The following OTOG variants were observed in gnomAD, a reference collection of about 807,000 sequenced individuals.
OTOG encodes the protein otogelin.
In OTOG, 296 loss-of-function variants were observed where a neutral mutation model predicts 313.8. That is an observed-to-expected ratio of 0.94 (90% CI 0.86 to 1.04). The LOEUF (loss-of-function observed/expected upper bound fraction) is 1.04, where lower values mean the gene tolerates loss of function less well. Among genes scored for constraint, OTOG ranks in the 50% least tolerant of loss-of-function variants. The probability of loss-of-function intolerance (pLI) is 0.00; values close to 1 mark genes in which losing one functional copy is unlikely to be tolerated. For missense variants in OTOG, 3,948 were observed against 3,840.1 expected (o/e 1.03, Z -0.74); for synonymous variants, 1,533 against 1,554.9 (o/e 0.99, Z 0.33).
intron 14 of OTOG, 92 bp downstream of exon 14, chr11:17,561,229 G>T (rs79574062): frequency 2.8e-6 from 4 of 1,420,730 alleles, no homozygotes; most frequent in Non-Finnish European, 3.9e-6. Flanking sequence ...CTTGCTGCGG[G>T]TGGGGATGTC....
intron 24 of OTOG, among the ~76,000 whole-genome samples, chr11:17,587,136 A>G (rs1298325248): frequency 6.6e-6 from 1 of 152,228 alleles, no homozygotes; most frequent in Non-Finnish European, 1.5e-5. Flanking sequence ...ATGTCTGTGT[A>G]AATGTGCATT....
chr11:17,591,334 G>T, intron 24 of OTOG, 116 bp from the exon 25 acceptor site: 1 of 1,380,678 alleles, frequency 7.2e-7, no homozygotes, highest in South Asian at 1.5e-5. Context: ...GGTGTTTGTT[G>T]ACCTCTTTGC....
rs557943885 is a variant in OTOG at position 17,563,302 on chromosome 11, C to G, written c.1644+1495C>G. ...CAGGAGCTCACACCCACAGCCAGGG[C>G]AGCTGCCCCACAGTCCTGCCTCCCT... On this transcript the variant is annotated intron_variant, in intron 15 of 55. Coordinates refer to ENST00000399397, the MANE Select transcript of OTOG (RefSeq NM_001292063.2). Among the ~76,000 whole-genome samples, 10 of 152,332 alleles carry G rather than the reference C, an allele frequency of 6.6e-5. No individual in the cohort carries two copies. The East Asian group carries it at 1.9e-3, about 29-fold the overall frequency.
chr11:17,593,831 A>T, intron 27 of OTOG, 75 bp downstream of exon 27: 3 of 1,512,086 alleles, frequency 2.0e-6, no homozygotes, highest in Non-Finnish European at 2.7e-6. Context: ...GGTGAGCTGT[A>T]CCCTCCCTGA....
At chr11:17,565,187 T>A (rs1198292728) in intron 15 of OTOG, among the ~76,000 whole-genome samples, 2 of 152,230 alleles carry the variant, frequency 1.3e-5, no homozygotes, top group Non-Finnish European at 2.9e-5. Flanking sequence ...TCATGTCTCC[T>A]TAGGCCCTTC....
intron 39 of OTOG, among the ~76,000 whole-genome samples, chr11:17,624,224 T>C (rs1007988059): frequency 6.6e-6 from 1 of 152,240 alleles, no homozygotes; most frequent in African/African-American, 2.4e-5. Flanking sequence ...ATGAAATCTT[T>C]GCCGTTTCTG....
chr11:17,638,736 C>A, intron 48 of OTOG, 187 bp downstream of exon 48: 2 of 1,545,802 alleles, frequency 1.3e-6, no homozygotes, highest in Non-Finnish European at 1.7e-6. Flanking sequence ...TTCCTACAGC[C>A]TTTTCTCTCT....
At chr11:17,566,894 T>G (rs1852303577) in intron 15 of OTOG, among the ~76,000 whole-genome samples, 1 of 152,220 alleles carries the variant, frequency 6.6e-6, no homozygotes, top group African/African-American at 2.4e-5. Context: ...TCATCTACAT[T>G]TCATCCTGGG....
chr11:17,631,356 T>TTCTCTCTC lies in OTOG; in HGVS notation c.6713-330_6713-323dup, dbSNP rs143019994. On this transcript the variant is annotated intron_variant, in intron 40 of 55. Transcript: ENST00000399397. The stretch of plus-strand genomic sequence containing the variant: ...AGATTTGCCCCATTTGCTTCTCTCC[T>TTCTCTCTC]TCTCTCTCTCTCTCTCTCTCTCTGT... 6.4e-3 allele frequency among the ~76,000 whole-genome samples: 913 copies of TTCTCTCTC among 141,726 alleles called. 13 individuals are homozygous for TTCTCTCTC. Among genetic ancestry groups the TTCTCTCTC allele is most frequent in the African/African-American group, 0.023 (833 of 36,336 alleles). 93.0% of individuals were successfully genotyped at this position (141,726 alleles called of 152,430 possible). A position where few individuals can be genotyped will look rare whatever the true frequency, so the allele number is the denominator to read the frequency against.
chr11:17,626,238 C>T (rs532040100), intron 39 of OTOG, among the ~76,000 whole-genome samples: 2 of 152,286 alleles, frequency 1.3e-5, no homozygotes, highest in East Asian at 1.9e-4. Flanking sequence ...TGCAGTGGCA[C>T]GATCTTGGCT....
chr11:17,561,139 T>C lies in OTOG; in HGVS notation c.1498+2T>C. 1.3e-6 allele frequency: 2 copies of C among 1,550,552 alleles called. No individual in the cohort carries two copies. The highest frequency in any genetic ancestry group is 1.7e-6 in the Non-Finnish European group (2 of 1,146,952). On this transcript the variant is annotated splice_donor_variant, in intron 14 of 55. Transcript: ENST00000399397. LOFTEE classifies it high-confidence loss of function. ...AGTGCAGCACAGCTGTCTGCCCAGG[T>C]ATGTCTGCCCCCCACCTTGCACTAG...
chr11:17,558,779 G>C, intron 10 of OTOG, 135 bp downstream of exon 10: 1 of 1,009,744 alleles, frequency 9.9e-7, no homozygotes, highest in South Asian at 1.5e-5. Context: ...TATCTGCCTA[G>C]GTGGGACAGA....
intron 8 of OTOG, among the ~76,000 whole-genome samples, 160 bp downstream of exon 8, chr11:17,557,483 T>C (rs1852081554): frequency 6.6e-6 from 1 of 152,132 alleles, no homozygotes; most frequent in Non-Finnish European, 1.5e-5. Flanking sequence ...CAAATGTGTG[T>C]CCTTGGGCAT....
At position 17,559,064 on chromosome 11, in the gene OTOG, T is replaced by C. The variant is rs548061223; in HGVS notation, c.1116T>C (p.Asp372=). The C allele has an allele frequency of 1.0e-4, 161 of 1,548,280 alleles. No homozygotes were observed. The highest frequency in any genetic ancestry group is 1.4e-4 in the Non-Finnish European group (156 of 1,146,950). Residue 372 remains aspartate (D), a synonymous_variant, in exon 11 of 56, where the codon GAT becomes GAC. Transcript: ENST00000399397. ...TTTCTCTGCACAGATCAATGGGTGA[T>C]GTAGCCACCTGGTGCCGGGCACTGG... is the stretch of plus-strand genomic sequence containing the variant. ...CTSDLCQSMG[D]VATWCRALAE... is the part of the protein sequence containing the mutation.
At chr11:17,571,116 G>A (rs1045287513) in intron 17 of OTOG, among the ~76,000 whole-genome samples, 7 of 152,200 alleles carry the variant, frequency 4.6e-5, no homozygotes, top group African/African-American at 1.2e-4. Context: ...TAGCCAAAAC[G>A]GAGAATTCAG....
rs374000412 is a variant in OTOG, at chr11:17,568,149, C to T, written c.1645-1007C>T. 4.6e-4 allele frequency among the ~76,000 whole-genome samples: 70 copies of T among 152,234 alleles called. No homozygotes were observed. The South Asian group carries it at 4.8e-3, about 10-fold the overall frequency. ...GTCTCGATCTCCTGACCTCGTGATC[C>T]GCCCACCTTGGCCTCCCAGAGTGCT... On this transcript the variant is annotated intron_variant, in intron 15 of 55. Coordinates refer to ENST00000399397, the MANE Select transcript of OTOG (RefSeq NM_001292063.2).
chr11:17,607,337 T>G (rs1853414749), intron 33 of OTOG, among the ~76,000 whole-genome samples: 2 of 152,228 alleles, frequency 1.3e-5, no homozygotes, highest in African/African-American at 4.8e-5. Flanking sequence ...GGCTGTGTGT[T>G]CAGAAACTGG....
At chr11:17,626,236 C>T (rs564811897) in intron 39 of OTOG, among the ~76,000 whole-genome samples, 2 of 152,278 alleles carry the variant, frequency 1.3e-5, no homozygotes, top group African/African-American at 4.8e-5. Context: ...AGTGCAGTGG[C>T]ACGATCTTGG....
intron 1 of OTOG, chr11:17,547,678 G>C: frequency 1.1e-6 from 1 of 938,116 alleles, no homozygotes; most frequent in Non-Finnish European, 1.4e-6. Flanking sequence ...CCAAAGTTAG[G>C]CTGGGTGGAA....
Sources: allele counts gnomAD v4.1 joint callset (sites outside exome capture counted in the v4.1 genomes callset), GRCh38; gene constraint gnomAD v4.1.1; transcripts MANE v1.5; gene names NCBI Gene and HGNC (gene_info 2026-07-23, HGNC 2026-07-21).